The following TMC6 variants were observed in gnomAD, a reference collection of about 807,000 sequenced individuals.
TMC6 encodes transmembrane channel-like protein 6.
Under a neutral mutation model 95.4 loss-of-function variants are expected in TMC6, and 71 were observed. The ratio of observed to expected loss-of-function variants is 0.74; its 90% CI spans 0.61 to 0.91. The LOEUF is 0.91. Ranked by LOEUF, TMC6 falls within the 40% of genes least tolerant of loss-of-function variation. TMC6 has a pLI of 0.00. For missense variants in TMC6, 1,074 were observed against 1,079.1 expected (o/e 1.00, Z 0.07); for synonymous variants, 514 against 483.1 (o/e 1.06, Z -0.84).
chr17:78,126,564 C>T lies in TMC6; in HGVS notation c.141G>A (p.Gln47=), dbSNP rs757373087. 5 of 1,613,686 alleles carry T rather than the reference C, an allele frequency of 3.1e-6. No individual in the cohort carries two copies. In the Admixed American group the frequency reaches 5.0e-5, roughly 16 times the overall value. The change falls in exon 3 of 20, where the codon CAG becomes CAA. Residue 47 remains glutamine, a synonymous_variant. Coordinates refer to ENST00000590602, the MANE Select transcript of TMC6 (RefSeq NM_001127198.5). ...LIQEQSQCTA[Q]EGLELQQRER... ...CTCTCTGCTGCAGCTCCAGCCCCTC[C>T]TGGGCCGTGCACTGGCTCTGCTCCT...
chr17:78,124,104 G>A lies in TMC6; in HGVS notation c.967C>T (p.Leu323=). The A allele has an allele frequency of 6.2e-7, 1 of 1,613,292 alleles. No homozygotes were observed. Residue 323 remains leucine (L), a synonymous_variant, in exon 9 of 20, where the codon CTG becomes TTG. Coordinates refer to ENST00000590602, the MANE Select transcript of TMC6 (RefSeq NM_001127198.5). The part of the protein sequence containing the change: ...ATLNQPCGSP[L]DGSQCTPRVG... ...CTGGGTGTGCACTGGCTGCCATCCAGGGGGCTGCCACACGGCTGGTTCAGC... is the reference window on the plus strand; with the variant it reads ...CTGGGTGTGCACTGGCTGCCATCCAAGGGGCTGCCACACGGCTGGTTCAGC...
At position 78,110,626 on chromosome 17, in the gene TMC6, C is replaced by G. The variant is rs1014519982; in HGVS notation, c.*2522G>C. On this transcript the variant is annotated 3_prime_UTR_variant, in exon 20 of 20. Transcript: ENST00000590602. Reference sequence around the variant, plus strand: ...TTGTGCAGCCCAGGCCGAGAAGCATCGCGGAGTCTTGTCATTCAGCCTGAA... The same window carrying G: ...TTGTGCAGCCCAGGCCGAGAAGCATGGCGGAGTCTTGTCATTCAGCCTGAA... The G allele has an allele frequency of 3.3e-5, 5 of 151,756 alleles. No homozygotes were observed. The highest frequency in any genetic ancestry group is 7.4e-5 in the Non-Finnish European group (5 of 67,982). The allele number at this position is 151,756 out of a possible 1,614,324, so 9.4% of individuals were successfully genotyped here. A position where few individuals can be genotyped will look rare whatever the true frequency, so the allele number is the denominator to read the frequency against.
chr17:78,121,243 G>C lies in TMC6; in HGVS notation c.1384-79C>G. 1 of 1,537,314 alleles carries C rather than the reference G, an allele frequency of 6.5e-7. No homozygotes were observed. The highest frequency in any genetic ancestry group is 8.7e-7 in the Non-Finnish European group (1 of 1,145,038). ...GGGCAGCTACAGGGAAGGGCCCGGG[G>C]TGGAACTGGCAGGTAGCACCTCCCT... On this transcript the variant is annotated intron_variant, in intron 11 of 19. Coordinates refer to ENST00000590602, the MANE Select transcript of TMC6 (RefSeq NM_001127198.5). This position sits in a 1 kb window ranked among gnomAD's most constrained non-coding sequence, Gnocchi z 5.6.
At position 78,113,049 on chromosome 17, in the gene TMC6, A is replaced by C; in HGVS notation, c.*99T>G. The C allele has an allele frequency of 6.9e-7, 1 of 1,445,684 alleles. No individual in the cohort carries two copies. The highest frequency in any genetic ancestry group is 1.2e-5 in the South Asian group (1 of 81,698). 89.6% of individuals were successfully genotyped at this position (1,445,684 alleles called of 1,614,324 possible). On this transcript the variant is annotated 3_prime_UTR_variant, in exon 20 of 20. Coordinates refer to ENST00000590602, the MANE Select transcript of TMC6 (RefSeq NM_001127198.5). ...GCGCAGCTGCGGCTTTCGAGAGGCGAAACTGTCTTCCTTGTCCTGGTGTCC... is the reference window on the plus strand; with the variant it reads ...GCGCAGCTGCGGCTTTCGAGAGGCGCAACTGTCTTCCTTGTCCTGGTGTCC...
chr17:78,126,951 G>T, intron 1 of TMC6, 45 bp from the exon 2 acceptor site: 1 of 1,207,282 alleles, frequency 8.3e-7, no homozygotes, highest in Non-Finnish European at 1.2e-6. Context: ...TTCAACGCCT[G>T]GCAGCTGTCC....
At chr17:78,127,229 G>C (rs1240935974) in intron 1 of TMC6, among the ~76,000 whole-genome samples, 1 of 152,152 alleles carries the variant, frequency 6.6e-6, no homozygotes, top group Non-Finnish European at 1.5e-5. Context: ...CCCCTTTCAG[G>C]ATCTCCATGC....
In TMC6 at chr17:78,109,878, G is replaced by A. The variant is rs1004275859; in HGVS notation, c.*3270C>T. On this transcript the variant is annotated 3_prime_UTR_variant, in exon 20 of 20. Coordinates refer to ENST00000590602, the MANE Select transcript of TMC6 (RefSeq NM_001127198.5). ...GGTCAGGAGTTCAAGACCAGCCTGA[G>A]CAACATGGAGAAACCCTGTCTCTAC... 28 of 284,306 alleles carry A rather than the reference G, an allele frequency of 9.8e-5. No individual in the cohort carries two copies. The highest frequency in any genetic ancestry group is 5.8e-4 in the African/African-American group (26 of 44,954). The allele number at this position is 284,306 out of a possible 1,614,324, so 17.6% of individuals were successfully genotyped here.
Position 78,124,617 on chromosome 17 carries a change from C to G in TMC6, c.798G>C (p.Leu266=), listed in dbSNP as rs759388246. 6.2e-6 allele frequency: 10 copies of G among 1,609,876 alleles called. No individual in the cohort carries two copies. The East Asian group carries it at 1.8e-4, about 29-fold the overall frequency. The part of the protein sequence containing the change: ...LAFNALLLLL[L]VAFIMGPQVA... ...CCTGAGGGCCCATGATGAAGGCCACCAGCAGCAGCAGCAGGAGGGCATTGA... is the reference window on the plus strand; with the variant it reads ...CCTGAGGGCCCATGATGAAGGCCACGAGCAGCAGCAGCAGGAGGGCATTGA... The change falls in exon 8 of 20, where the codon CTG becomes CTC. Residue 266 remains leucine, a synonymous_variant. Coordinates refer to ENST00000590602, the MANE Select transcript of TMC6 (RefSeq NM_001127198.5).
At chr17:78,124,833 GGCCACCCCAGCCCTGCCCA>G in intron 7 of TMC6, 37 bp downstream of exon 7, 2 of 1,578,778 alleles carry the variant, frequency 1.3e-6, no homozygotes, top group Non-Finnish European at 1.7e-6. Flanking sequence ...GAGGCACTGA[GGCCACCCCAGCCCTGCCCA>G]GCCGCCCCAG....
Position 78,126,873 on chromosome 17 carries a change from C to G in TMC6, c.-41G>C, listed in dbSNP as rs116257355. 3 of 1,606,014 alleles carry G rather than the reference C, an allele frequency of 1.9e-6. No homozygotes were observed. The highest frequency in any genetic ancestry group is 2.5e-6 in the Non-Finnish European group (3 of 1,177,440). ...CCGCTAGTCTGCAGACCTAGGGTAG[C>G]TCAGAGCCTGGGCGCCACCTCCGGA... On this transcript the variant is annotated 5_prime_UTR_variant, in exon 2 of 20. Coordinates refer to ENST00000590602, the MANE Select transcript of TMC6 (RefSeq NM_001127198.5).
chr17:78,121,281 G>T lies in TMC6; in HGVS notation c.1384-117C>A. The T allele has an allele frequency of 6.8e-7, 1 of 1,481,222 alleles. No individual in the cohort carries two copies. 91.8% of individuals were successfully genotyped at this position (1,481,222 alleles called of 1,614,324 possible). On this transcript the variant is annotated intron_variant, in intron 11 of 19. Transcript: ENST00000590602. This position sits in a 1 kb window ranked among gnomAD's most constrained non-coding sequence, Gnocchi z 5.6. ...GTAGCACCTCCCTCCTCCAAGATCTGGCCCTCCCCAGGCCTCAAGTTCAAA... is the reference window on the plus strand; with the variant it reads ...GTAGCACCTCCCTCCTCCAAGATCTTGCCCTCCCCAGGCCTCAAGTTCAAA...
rs749862914 is a variant in TMC6, at chr17:78,117,240, G to A, written c.2277+29C>T. The A allele has an allele frequency of 7.3e-5, 117 of 1,611,654 alleles. No homozygotes were observed. The Admixed American group carries it at 1.8e-3, about 25-fold the overall frequency. ...CCTCAGGTGACCTGAGAGGGTGGGG[G>A]CTGAGAGCAGCCCAGGAGGGGCACT... On this transcript the variant is annotated intron_variant, in intron 18 of 19. Transcript: ENST00000590602.
chr17:78,115,688 G>A (rs1486138445), intron 18 of TMC6, among the ~76,000 whole-genome samples: 6 of 86,982 alleles, frequency 6.9e-5, no homozygotes, highest in African/African-American at 3.1e-4. Context: ...AGGGGCGAAG[G>A]GAGTGGGCAC....
intron 18 of TMC6, among the ~76,000 whole-genome samples, chr17:78,116,488 G>C (rs902201038): frequency 6.6e-6 from 1 of 151,946 alleles, no homozygotes; most frequent in Non-Finnish European, 1.5e-5. Context: ...GCCCAGGCTG[G>C]TCTCGAACTC....
In TMC6 at chr17:78,124,076, A is replaced by C. The variant is rs1598864361; in HGVS notation, c.995T>G (p.Val332Gly). The C allele has an allele frequency of 6.2e-7, 1 of 1,613,386 alleles. No individual in the cohort carries two copies. Among genetic ancestry groups the C allele is most frequent in the Non-Finnish European group, 8.5e-7 (1 of 1,179,956 alleles). ...PLDGSQCTPR[V>G]GGLPYNMPLA... ...GGGCATGTTGTAGGGCAGGCCACCC[A>C]CCCTGGGTGTGCACTGGCTGCCATC... Residue 332 changes from valine to glycine, a missense_variant, in exon 9 of 20, where the codon GTG (valine) becomes GGG (glycine). Transcript: ENST00000590602.
In TMC6 at chr17:78,121,241, G is replaced by C. The variant is rs2074399385; in HGVS notation, c.1384-77C>G. 1.4e-5 allele frequency: 21 copies of C among 1,537,130 alleles called. No individual in the cohort carries two copies. In the South Asian group the frequency reaches 2.5e-4, roughly 18 times the overall value. ...GCGGGCAGCTACAGGGAAGGGCCCG[G>C]GGTGGAACTGGCAGGTAGCACCTCC... is the stretch of plus-strand genomic sequence containing the variant. On this transcript the variant is annotated intron_variant, in intron 11 of 19. Transcript: ENST00000590602. This position sits in a 1 kb window ranked among gnomAD's most constrained non-coding sequence, Gnocchi z 5.6.
intron 18 of TMC6, among the ~76,000 whole-genome samples, chr17:78,117,004 C>A (rs978255280): frequency 6.6e-6 from 1 of 152,354 alleles, no homozygotes; most frequent in Middle Eastern, 3.4e-3. Flanking sequence ...GGGCCACACC[C>A]GGGGGCTGAA....
At position 78,113,119 on chromosome 17, in the gene TMC6, G is replaced by A. The variant is rs765376616; in HGVS notation, c.*29C>T. On this transcript the variant is annotated 3_prime_UTR_variant, in exon 20 of 20. Coordinates refer to ENST00000590602, the MANE Select transcript of TMC6 (RefSeq NM_001127198.5). ...CAACAGTGTGGTCTCAGGGTGCTGG[G>A]CGGGCCCGTGAGGCCCATCGCCGTC... The A allele has an allele frequency of 1.9e-6, 3 of 1,549,686 alleles. No individual in the cohort carries two copies. The highest frequency in any genetic ancestry group is 2.0e-5 in the Admixed American group (1 of 50,952).
intron 13 of TMC6, chr17:78,120,309 G>A (rs574904668): frequency 4.7e-4 from 186 of 392,838 alleles, no homozygotes; most frequent in Admixed American, 1.9e-3. Flanking sequence ...ACTGGTGTGC[G>A]CCACCACGCC....
Sources: allele counts gnomAD v4.1 joint callset (sites outside exome capture counted in the v4.1 genomes callset), GRCh38; gene constraint gnomAD v4.1.1; non-coding constraint Gnocchi (gnomAD v3.1); transcripts MANE v1.5; gene names NCBI Gene and HGNC (gene_info 2026-07-23, HGNC 2026-07-21).